BBS9: variants seen among roughly 807,000 people sequenced by gnomAD.
BBS9 encodes Bardet-Biedl syndrome 9.
Under a neutral mutation model 117.7 loss-of-function variants are expected in BBS9, and 89 were observed. The ratio of observed to expected loss-of-function variants is 0.76; its 90% CI spans 0.64 to 0.90. The LOEUF is 0.90. Among genes scored for constraint, BBS9 ranks in the 40% least tolerant of loss-of-function variants. The probability of loss-of-function intolerance (pLI) is 0.00; values close to 1 mark genes in which losing one functional copy is unlikely to be tolerated. For synonymous variants in BBS9, 379 were observed against 370.9 expected (o/e 1.02, Z -0.25); for missense variants, 982 against 1,042.2 (o/e 0.94, Z 0.80).
intron 9 of BBS9, among the ~76,000 whole-genome samples, chr7:33,304,066 GTC>G (rs1176737857): frequency 6.8e-6 from 1 of 146,142 alleles, no homozygotes; most frequent in Admixed American, 6.8e-5. Context: ...AGTGAGGAGC[GTC>G]TCTGCCTGGC....
In BBS9 at chr7:33,407,637, T is replaced by A. The variant is rs916540252; in HGVS notation, c.2115+19493T>A. Among the ~76,000 whole-genome samples the A allele has an allele frequency of 1.2e-4, 19 of 152,314 alleles. 1 individual carries two copies. Among genetic ancestry groups the A allele is most frequent in the South Asian group, 6.2e-4 (3 of 4,812 alleles). On this transcript the variant is annotated intron_variant, in intron 19 of 22. Transcript: ENST00000242067. Reference sequence around the variant, plus strand: ...CGTGTGGATGTCCTTTCTGTTTGTTTGTTTTCCTTCTAACAGACAGGACCC... The same window carrying A: ...CGTGTGGATGTCCTTTCTGTTTGTTAGTTTTCCTTCTAACAGACAGGACCC...
At chr7:33,401,826 T>TAGA (rs1828963154) in intron 19 of BBS9, among the ~76,000 whole-genome samples, 3 of 152,196 alleles carry the variant, frequency 2.0e-5, no homozygotes, top group South Asian at 4.1e-4. Context: ...CTACAGAATG[T>TAGA]AGATTTTTTT....
intron 5 of BBS9, among the ~76,000 whole-genome samples, chr7:33,237,659 AC>A (rs1463984148): frequency 2.0e-5 from 3 of 152,194 alleles, no homozygotes; most frequent in South Asian, 2.1e-4. Context: ...CAGGATTACC[AC>A]ATTCATCTAG....
At chr7:33,224,436 C>A (rs1790857289) in intron 5 of BBS9, among the ~76,000 whole-genome samples, 1 of 152,172 alleles carries the variant, frequency 6.6e-6, no homozygotes, top group African/African-American at 2.4e-5. Context: ...GCAGTAACTT[C>A]ATTTCAGGCT....
At chr7:33,598,678 A>T (rs1363231430) in intron 21 of BBS9, among the ~76,000 whole-genome samples, 3 of 152,132 alleles carry the variant, frequency 2.0e-5, no homozygotes, top group South Asian at 2.1e-4. Context: ...TTAGAGAAAA[A>T]TTTTTTTACC....
At chr7:33,477,286 CTGAT>C (rs1841928078) in intron 19 of BBS9, among the ~76,000 whole-genome samples, 1 of 152,166 alleles carries the variant, frequency 6.6e-6, no homozygotes, top group African/African-American at 2.4e-5. Flanking sequence ...CTAGCCATAA[CTGAT>C]TGAGCCAGGC....
intron 10 of BBS9, among the ~76,000 whole-genome samples, chr7:33,340,178 C>T (rs1816217055): frequency 1.3e-5 from 2 of 151,970 alleles, no homozygotes; most frequent in South Asian, 4.2e-4. Flanking sequence ...TAGTTTCACT[C>T]CTTAAAGGCA....
intron 8 of BBS9, 123 bp downstream of exon 8, chr7:33,273,318 A>G: frequency 9.6e-7 from 1 of 1,040,564 alleles, no homozygotes; most frequent in Non-Finnish European, 1.4e-6. Context: ...TTGAATATGT[A>G]ATGGAAATTT....
chr7:33,416,914 A>G (rs1257724953), intron 19 of BBS9, among the ~76,000 whole-genome samples: 1 of 152,168 alleles, frequency 6.6e-6, no homozygotes, highest in Non-Finnish European at 1.5e-5. Context: ...TGATGCTCCT[A>G]GGTTTCTTTC....
chr7:33,202,486 G>T (rs1337856073), intron 5 of BBS9, among the ~76,000 whole-genome samples: 1 of 152,172 alleles, frequency 6.6e-6, no homozygotes, highest in Non-Finnish European at 1.5e-5. Context: ...AACTACCCAA[G>T]ATTGGGTAAT....
rs565825101 is a variant in BBS9 at position 33,476,188 on chromosome 7, TA to T, written c.2116-29273del. Among the ~76,000 whole-genome samples the T allele has an allele frequency of 3.6e-3, 553 of 152,346 alleles. 5 individuals carry two copies. The highest frequency in any genetic ancestry group is 0.014 in the Middle Eastern group (4 of 294). On this transcript the variant is annotated intron_variant, in intron 19 of 22. Transcript: ENST00000242067. ...AATACAATTGGTTTTCTATTTTACATAAGTGAAATATGACAAATCTGGTGAA... is the reference window on the plus strand; with the variant it reads ...AATACAATTGGTTTTCTATTTTACATAGTGAAATATGACAAATCTGGTGAA...
chr7:33,442,645 GC>G (rs1836381711), intron 19 of BBS9, among the ~76,000 whole-genome samples: 1 of 152,168 alleles, frequency 6.6e-6, no homozygotes. Context: ...AGAAAGAAAA[GC>G]TAATTAGCAC....
At chr7:33,428,017 G>A (rs958706261) in intron 19 of BBS9, among the ~76,000 whole-genome samples, 2 of 152,108 alleles carry the variant, frequency 1.3e-5, no homozygotes, top group African/African-American at 4.8e-5. Flanking sequence ...AGTTTTCTCT[G>A]TTCCCCTCCA....
chr7:33,336,759 G>T (rs528677675), intron 10 of BBS9, 137 bp downstream of exon 10: 6 of 669,442 alleles, frequency 9.0e-6, no homozygotes, highest in African/African-American at 1.8e-5. Context: ...AAACAGTATT[G>T]CTCTTTAGCA....
intron 9 of BBS9, among the ~76,000 whole-genome samples, chr7:33,319,357 C>T (rs905414542): frequency 6.6e-6 from 1 of 152,062 alleles, no homozygotes; most frequent in Non-Finnish European, 1.5e-5. Context: ...TATAAACATG[C>T]ATGTGTAAGC....
At chr7:33,221,376 A>C (rs953796996) in intron 5 of BBS9, among the ~76,000 whole-genome samples, 1 of 152,140 alleles carries the variant, frequency 6.6e-6, no homozygotes, top group Non-Finnish European at 1.5e-5. Context: ...TTATATTTTG[A>C]TTTAAAAAAA....
intron 1 of BBS9, among the ~76,000 whole-genome samples, chr7:33,134,130 A>C (rs1790064342): frequency 6.6e-6 from 1 of 151,834 alleles, no homozygotes; most frequent in African/African-American, 2.4e-5. Flanking sequence ...GGCCCACTGC[A>C]ACCCCTGCCT....
chr7:33,161,806 T>C (rs6462462), intron 4 of BBS9, among the ~76,000 whole-genome samples: 151,202 of 152,256 alleles, frequency 0.99, 75,076 homozygotes, highest in South Asian at 1. Context: ...TTTTAATGAT[T>C]GCCATTCTAA....
chr7:33,146,698 C>CAAA (rs36056577), intron 2 of BBS9, among the ~76,000 whole-genome samples: 2 of 81,264 alleles, frequency 2.5e-5, no homozygotes, highest in Admixed American at 1.4e-4. Flanking sequence ...GGCTCCATCT[C>CAAA]AAAAAAAAAA....
Sources: gnomAD v4.1 joint callset for allele counts (sites outside exome capture counted in the v4.1 genomes callset) on GRCh38, gnomAD v4.1.1 for gene constraint, MANE v1.5 for transcripts, NCBI Gene and HGNC (gene_info 2026-07-23, HGNC 2026-07-21) for gene names.